LDLRAD4: variants seen among roughly 807,000 people sequenced by gnomAD.
LDLRAD4 encodes low-density lipoprotein receptor class A domain-containing protein 4.
LDLRAD4 carries 5 observed loss-of-function variants against 17.0 expected under a neutral mutation model. That is an observed-to-expected ratio of 0.29 (90% CI 0.15 to 0.62). LDLRAD4 has a LOEUF of 0.62. LDLRAD4 is among the 20% of genes least tolerant of loss of function. The pLI, the probability that LDLRAD4 is intolerant of heterozygous loss-of-function variation, is 0.84. For synonymous variants in LDLRAD4, 168 were observed against 171.8 expected, an observed-to-expected ratio of 0.98 and a Z score of 0.17; for missense variants, 340 against 424.7, an observed-to-expected ratio of 0.80 and a Z score of 1.75.
intron 3 of LDLRAD4, chr18:13,471,052 G>C (rs1461193451): frequency 6.6e-6 from 1 of 152,152 alleles, no homozygotes; most frequent in Non-Finnish European, 1.5e-5. Context: ...CAAACTTGGG[G>C]ATCTCTTTGC....
intron 3 of LDLRAD4, among the ~76,000 whole-genome samples, chr18:13,597,338 T>C (rs1245890401): frequency 1.3e-5 from 2 of 152,214 alleles, no homozygotes; most frequent in Non-Finnish European, 2.9e-5. Flanking sequence ...CTGTTACTAT[T>C]TTCCTTGGTT....
At chr18:13,346,746 T>C (rs1411515777) in intron 1 of LDLRAD4, among the ~76,000 whole-genome samples, 2 of 152,232 alleles carry the variant, frequency 1.3e-5, no homozygotes, top group African/African-American at 2.4e-5. Flanking sequence ...ACTTGCTTTA[T>C]GAATCTGGGT....
At chr18:13,528,132 A>G (rs1188278151) in intron 3 of LDLRAD4, among the ~76,000 whole-genome samples, 1 of 152,132 alleles carries the variant, frequency 6.6e-6, no homozygotes, top group Non-Finnish European at 1.5e-5. Flanking sequence ...GCTTTCCTAC[A>G]GCAGCCTGGT....
chr18:13,289,585 T>C (rs1231122365), intron 1 of LDLRAD4, among the ~76,000 whole-genome samples: 4 of 152,176 alleles, frequency 2.6e-5, no homozygotes, highest in African/African-American at 9.7e-5. Context: ...TAAATAAGAC[T>C]GTGATGAAGT....
intron 3 of LDLRAD4, among the ~76,000 whole-genome samples, chr18:13,485,062 A>G (rs756603764): frequency 5.3e-5 from 8 of 152,148 alleles, no homozygotes; most frequent in Non-Finnish European, 7.4e-5. Context: ...TTACTGACCA[A>G]TATTTGCTGA....
intron 3 of LDLRAD4, among the ~76,000 whole-genome samples, chr18:13,540,438 C>A (rs2094261597): frequency 6.6e-6 from 1 of 152,156 alleles, no homozygotes; most frequent in Non-Finnish European, 1.5e-5. Context: ...AAGAAATGGG[C>A]ATTCCAAATG....
At chr18:13,465,617 T>C (rs900445898) in intron 3 of LDLRAD4, among the ~76,000 whole-genome samples, 3 of 152,214 alleles carry the variant, frequency 2.0e-5, no homozygotes, top group Admixed American at 1.3e-4. Flanking sequence ...CCTCATTGGC[T>C]CACAACACCT....
chr18:13,644,237 C>T (rs1260410959), intron 5 of LDLRAD4, among the ~76,000 whole-genome samples: 2 of 152,014 alleles, frequency 1.3e-5, no homozygotes, highest in Non-Finnish European at 2.9e-5. Flanking sequence ...TTTGTATCTG[C>T]TCCACGTACC....
At chr18:13,613,550 T>C (rs2039798275) in intron 3 of LDLRAD4, 1 of 152,262 alleles carries the variant, frequency 6.6e-6, no homozygotes, top group Admixed American at 6.5e-5. Flanking sequence ...CTGCTGATTT[T>C]TTAGAAAATC....
chr18:13,510,680 C>T (rs542038845), intron 3 of LDLRAD4, among the ~76,000 whole-genome samples: 8 of 152,244 alleles, frequency 5.3e-5, no homozygotes, highest in Admixed American at 1.3e-4. Context: ...ATAAAAAAAT[C>T]ATCTTTAAAA....
chr18:13,629,484 A>G (rs746875181), intron 4 of LDLRAD4, among the ~76,000 whole-genome samples: 1 of 152,236 alleles, frequency 6.6e-6, no homozygotes, highest in Non-Finnish European at 1.5e-5. Context: ...TAAAACTTTT[A>G]TGGTAAGAAT....
At chr18:13,345,602 G>T (rs1437102110) in intron 1 of LDLRAD4, among the ~76,000 whole-genome samples, 1 of 152,216 alleles carries the variant, frequency 6.6e-6, no homozygotes, top group African/African-American at 2.4e-5. Context: ...CTCATAAAAT[G>T]AGTTAGGGAG....
chr18:13,457,775 C>T (rs536880214), intron 3 of LDLRAD4, among the ~76,000 whole-genome samples: 1 of 152,274 alleles, frequency 6.6e-6, no homozygotes, highest in African/African-American at 2.4e-5. Context: ...GGCGGCTCCC[C>T]CTGCCTCGCT....
chr18:13,343,792 G>A (rs1263610464), intron 1 of LDLRAD4, among the ~76,000 whole-genome samples: 5 of 152,108 alleles, frequency 3.3e-5, no homozygotes, highest in African/African-American at 1.2e-4. Context: ...GTGTGAGATG[G>A]TATCTCATTG....
At chr18:13,520,007 T>G (rs907858679) in intron 3 of LDLRAD4, 7 of 152,344 alleles carry the variant, frequency 4.6e-5, no homozygotes, top group African/African-American at 1.7e-4. Flanking sequence ...TACAGGTGCA[T>G]TTAGGTAATG....
intron 1 of LDLRAD4, among the ~76,000 whole-genome samples, chr18:13,285,197 C>T (rs1239471952): frequency 1.3e-5 from 2 of 152,192 alleles, no homozygotes; most frequent in Admixed American, 6.5e-5. Context: ...GGCCCAGGGG[C>T]ATCTGTGAAT....
At chr18:13,318,145 C>T (rs892596833) in intron 1 of LDLRAD4, among the ~76,000 whole-genome samples, 1 of 152,204 alleles carries the variant, frequency 6.6e-6, no homozygotes, top group Admixed American at 6.5e-5. Context: ...GCGCAGGGGT[C>T]CCTTCAAGGC....
intron 3 of LDLRAD4, among the ~76,000 whole-genome samples, chr18:13,568,197 G>C (rs1184800359): frequency 6.6e-6 from 1 of 152,074 alleles, no homozygotes; most frequent in African/African-American, 2.4e-5. Context: ...AGGAGGCTGA[G>C]GCAGGAGAAT....
chr18:13,285,375 T>C (rs2045562571), intron 1 of LDLRAD4, among the ~76,000 whole-genome samples: 1 of 152,100 alleles, frequency 6.6e-6, no homozygotes, highest in Admixed American at 6.5e-5. Flanking sequence ...GGAGGTGTCA[T>C]GAGTGGGCAG....
Sources: gnomAD v4.1 joint callset for allele counts (sites outside exome capture counted in the v4.1 genomes callset) on GRCh38, gnomAD v4.1.1 for gene constraint, MANE v1.5 for transcripts, NCBI Gene and HGNC (gene_info 2026-07-23, HGNC 2026-07-21) for gene names.